Variants in FRYL observed in about 807,000 individuals in gnomAD.
The protein encoded by FRYL is FRY like transcription coactivator, also known as protein furry homolog-like.
Under a neutral mutation model 351.2 loss-of-function variants are expected in FRYL, and 150 were observed. The observed-to-expected ratio is 0.43, with a 90% CI of 0.37 to 0.49. The LOEUF is 0.49. Ranked by LOEUF, FRYL falls within the 20% of genes least tolerant of loss-of-function variation. The pLI is 0.00. For missense variants in FRYL, 3,036 were observed against 3,619.3 expected (o/e 0.84, Z 4.13); for synonymous variants, 1,153 against 1,257.1 (o/e 0.92, Z 1.75).
At position 48,565,035 on chromosome 4, in the gene FRYL, A is replaced by AGCT; in HGVS notation, c.3338_3339insAGC (p.Ala1114dup). The AGCT allele has an allele frequency of 6.5e-7, 1 of 1,539,758 alleles. No homozygotes were observed. The highest frequency in any genetic ancestry group is 8.8e-7 in the Non-Finnish European group (1 of 1,133,688). ...CAACAGGGCCACAACACAGTACAGC[A>AGCT]GACATAGCCTTCAAATAATAATATT... On this transcript the variant is annotated inframe_insertion, in exon 30 of 64. Coordinates refer to ENST00000358350, the MANE Select transcript of FRYL (RefSeq NM_015030.2).
intron 47 of FRYL, among the ~76,000 whole-genome samples, chr4:48,538,592 A>AT (rs1729399787): frequency 6.6e-6 from 1 of 152,112 alleles, no homozygotes; most frequent in South Asian, 2.1e-4. Context: ...GGCTTCCTGC[A>AT]TGCTTGCTCT....
intron 3 of FRYL, among the ~76,000 whole-genome samples, chr4:48,675,362 G>A (rs1270556472): frequency 2.0e-5 from 3 of 152,204 alleles, no homozygotes; most frequent in Non-Finnish European, 4.4e-5. Context: ...AGCGGAAACC[G>A]GGGCTGCCTG....
intron 3 of FRYL, among the ~76,000 whole-genome samples, chr4:48,674,193 C>A (rs1269530660): frequency 6.6e-6 from 1 of 152,160 alleles, no homozygotes; most frequent in East Asian, 1.9e-4. Flanking sequence ...AGAAGGACTT[C>A]TCTGTTCAAC....
chr4:48,699,877 C>CT (rs1346649285), intron 2 of FRYL, among the ~76,000 whole-genome samples: 3 of 152,102 alleles, frequency 2.0e-5, no homozygotes, highest in Admixed American at 6.6e-5. Context: ...AGATTTGCTA[C>CT]TACTCTTAAG....
intron 1 of FRYL, among the ~76,000 whole-genome samples, chr4:48,755,829 C>T (rs1773713426): frequency 6.6e-6 from 1 of 151,972 alleles, no homozygotes; most frequent in Non-Finnish European, 1.5e-5. Context: ...GGAACTATCT[C>T]ATGCATTCTA....
chr4:48,639,878 T>C (rs1754993248), intron 3 of FRYL, among the ~76,000 whole-genome samples: 1 of 152,070 alleles, frequency 6.6e-6, no homozygotes, highest in African/African-American at 2.4e-5. Flanking sequence ...CAGAAGAAGA[T>C]GTACAGATGG....
At chr4:48,565,837 G>T (rs1009199847) in intron 28 of FRYL, 146 bp from the exon 29 acceptor site, 1 of 722,524 alleles carries the variant, frequency 1.4e-6, no homozygotes, top group Admixed American at 3.0e-5. Context: ...CGGTAGCAGG[G>T]ATCATTTATA....
intron 13 of FRYL, among the ~76,000 whole-genome samples, chr4:48,601,727 C>T (rs939156216): frequency 1.3e-5 from 2 of 151,868 alleles, no homozygotes; most frequent in Admixed American, 6.6e-5. Flanking sequence ...CTCTATAATT[C>T]TAAAAGAATT....
intron 3 of FRYL, chr4:48,637,140 C>T (rs1330964888): frequency 6.6e-6 from 1 of 151,978 alleles, no homozygotes. Context: ...AACACCCACA[C>T]CCCCAAACTG....
chr4:48,603,942 T>C (rs1347329290), intron 11 of FRYL, among the ~76,000 whole-genome samples: 1 of 152,204 alleles, frequency 6.6e-6, no homozygotes, highest in African/African-American at 2.4e-5. Context: ...TTTTGCTCAA[T>C]TGCTACCAAC....
chr4:48,677,025 A>T (rs1381147868), intron 3 of FRYL, among the ~76,000 whole-genome samples: 1 of 152,258 alleles, frequency 6.6e-6, no homozygotes, highest in African/African-American at 2.4e-5. Flanking sequence ...AGGGAATTTC[A>T]TCAGTATTTA....
At chr4:48,722,456 C>T (rs1769593450) in intron 1 of FRYL, among the ~76,000 whole-genome samples, 1 of 152,082 alleles carries the variant, frequency 6.6e-6, no homozygotes, top group Admixed American at 6.6e-5. Flanking sequence ...TATATTTTTC[C>T]ATAATTTATA....
chr4:48,553,730 T>C (rs1733439522), intron 35 of FRYL, among the ~76,000 whole-genome samples: 1 of 151,998 alleles, frequency 6.6e-6, no homozygotes, highest in African/African-American at 2.4e-5. Flanking sequence ...GGTAATAACA[T>C]CCTAAGATTT....
At chr4:48,591,537 G>C (rs1743231162) in intron 16 of FRYL, among the ~76,000 whole-genome samples, 1 of 151,982 alleles carries the variant, frequency 6.6e-6, no homozygotes, top group Non-Finnish European at 1.5e-5. Flanking sequence ...CAGCAACATG[G>C]ACAAGGTCAA....
rs1375714209 is a variant in FRYL at position 48,563,012 on chromosome 4, A to C, written c.3597-24T>G. On this transcript the variant is annotated intron_variant, in intron 31 of 63. Transcript: ENST00000358350. ...CCCTAGGAATAAATTTTACATATTAAGTAAATAACAATGTTTAGAGGCTTT... is the reference window on the plus strand; with the variant it reads ...CCCTAGGAATAAATTTTACATATTACGTAAATAACAATGTTTAGAGGCTTT... The C allele has an allele frequency of 2.2e-6, 3 of 1,368,096 alleles. No individual in the cohort carries two copies. The East Asian group carries it at 6.9e-5, about 31-fold the overall frequency. 84.7% of individuals were successfully genotyped at this position (1,368,096 alleles called of 1,614,324 possible).
chr4:48,692,596 T>C (rs540873762), intron 2 of FRYL, among the ~76,000 whole-genome samples: 41 of 152,228 alleles, frequency 2.7e-4, no homozygotes, highest in Non-Finnish European at 4.3e-4. Flanking sequence ...TTTTGCCATG[T>C]TGGCCAGGCT....
chr4:48,629,516 A>G (rs1209737950), intron 4 of FRYL, among the ~76,000 whole-genome samples: 4 of 152,204 alleles, frequency 2.6e-5, no homozygotes, highest in African/African-American at 7.2e-5. Flanking sequence ...AGTATGCCAG[A>G]CATTGTTCTA....
Position 48,581,551 on chromosome 4 carries a change from A to G in FRYL, c.2041T>C (p.Ser681Pro). The G allele has an allele frequency of 3.1e-6, 5 of 1,613,784 alleles. No homozygotes were observed. The South Asian group carries it at 5.5e-5, about 18-fold the overall frequency. The part of the protein sequence containing the change: ...HPPPLERSPY[S>P]NVFHVVEGFA... ...CCTTCAACCACATGGAATACATTGG[A>G]ATATGGGCTCCTTTCCAGAGGAGGG... is the stretch of plus-strand genomic sequence containing the variant. Residue 681 changes from serine (S) to proline (P), a missense_variant, in exon 21 of 64, where the codon TCC becomes CCC. Transcript: ENST00000358350.
Position 48,549,677 on chromosome 4 carries a change from A to G in FRYL, c.4634-54T>C, listed in dbSNP as rs1732235950. The G allele has an allele frequency of 1.4e-6, 2 of 1,430,990 alleles. No homozygotes were observed. Among genetic ancestry groups the G allele is most frequent in the Non-Finnish European group, 1.9e-6 (2 of 1,030,876 alleles). 88.6% of individuals were successfully genotyped at this position (1,430,990 alleles called of 1,614,324 possible). A position where few individuals can be genotyped will look rare whatever the true frequency, so the allele number is the denominator to read the frequency against. ...ACACCATCTAATTTCTGCCAATATA[A>G]GCAAACTCTAGTAAGATCCCAACTA... On this transcript the variant is annotated intron_variant, in intron 38 of 63. Transcript: ENST00000358350. The surrounding 1 kb of genome is among the most constrained non-coding windows in gnomAD (Gnocchi z 4.2).
Sources: allele counts gnomAD v4.1 joint callset (sites outside exome capture counted in the v4.1 genomes callset), GRCh38; gene constraint gnomAD v4.1.1; non-coding constraint Gnocchi (gnomAD v3.1); transcripts MANE v1.5; gene names NCBI Gene and HGNC (gene_info 2026-07-23, HGNC 2026-07-21).